The following ADAMTS8 variants were observed in gnomAD, a reference collection of about 807,000 sequenced individuals.
The protein encoded by ADAMTS8 is ADAM metallopeptidase with thrombospondin type 1 motif 8.
A neutral mutation model predicts 64.4 loss-of-function variants in ADAMTS8; 50 were observed. That is an observed-to-expected ratio of 0.78 (90% CI 0.62 to 0.98). The LOEUF is 0.98. ADAMTS8 is among the 50% of genes least tolerant of loss of function. The pLI, the probability that ADAMTS8 is intolerant of heterozygous loss-of-function variation, is 0.00. For synonymous variants in ADAMTS8, 556 were observed against 533.6 expected (o/e 1.04, Z -0.58); for missense variants, 1,192 against 1,208.2 (o/e 0.99, Z 0.20).
Position 130,408,956 on chromosome 11 carries a change from A to G in ADAMTS8, c.1751-16T>C. The G allele has an allele frequency of 6.6e-7, 1 of 1,523,058 alleles. No individual in the cohort carries two copies. Among genetic ancestry groups the G allele is most frequent in the East Asian group, 2.3e-5 (1 of 43,400 alleles). The allele number at this position is 1,523,058 out of a possible 1,614,324, so 94.3% of individuals were successfully genotyped here. ...AAGCTTTTCCCTAGAAAGAGGAAGAAACGGCATGGAGGTGACACCCATGCG... is the reference window on the plus strand; with the variant it reads ...AAGCTTTTCCCTAGAAAGAGGAAGAGACGGCATGGAGGTGACACCCATGCG... On this transcript the variant is annotated splice_polypyrimidine_tract_variant and intron_variant, in intron 6 of 8. Coordinates refer to ENST00000257359, the MANE Select transcript of ADAMTS8 (RefSeq NM_007037.6).
At position 130,416,981 on chromosome 11, in the gene ADAMTS8, T is replaced by G. The variant is rs1194795752; in HGVS notation, c.1055A>C (p.Asp352Ala). The G allele has an allele frequency of 6.8e-6, 11 of 1,614,012 alleles. No individual in the cohort carries two copies. Among genetic ancestry groups the G allele is most frequent in the Non-Finnish European group, 8.5e-6 (10 of 1,180,040 alleles). ...DPNKSCSVIEDEGLQAAHTLA... is the reference protein window; with the variant it reads ...DPNKSCSVIEAEGLQAAHTLA... ...GGTGTGGGCCGCCTGGAGCCCCTCATCCTCGATCACGGAGCAGCTTTTGTT... is the reference window on the plus strand; with the variant it reads ...GGTGTGGGCCGCCTGGAGCCCCTCAGCCTCGATCACGGAGCAGCTTTTGTT... The change falls in exon 3 of 9, where the codon GAT (aspartate) becomes GCT (alanine). Residue 352 changes from aspartate to alanine, a missense_variant. Physicochemically the swap from Asp to Ala is moderately radical, Grantham distance 126. Transcript: ENST00000257359. This position sits in a 1 kb window ranked among gnomAD's most constrained non-coding sequence, Gnocchi z 4.8.
At chr11:130,420,668 G>C (rs2134688167) in intron 1 of ADAMTS8, among the ~76,000 whole-genome samples, 1 of 152,258 alleles carries the variant, frequency 6.6e-6, no homozygotes, top group Non-Finnish European at 1.5e-5. Context: ...AATGGGATCT[G>C]TCTGTTCACC....
intron 1 of ADAMTS8, among the ~76,000 whole-genome samples, chr11:130,420,088 G>T (rs757561825): frequency 1.3e-5 from 2 of 152,214 alleles, no homozygotes; most frequent in Non-Finnish European, 2.9e-5. Flanking sequence ...GCCCAGGTGT[G>T]CCTGTCTCTG....
At chr11:130,427,472 T>TTTC in intron 1 of ADAMTS8, 95 bp downstream of exon 1, 1 of 1,054,658 alleles carries the variant, frequency 9.5e-7, no homozygotes, top group Non-Finnish European at 1.3e-6. Flanking sequence ...TTTTTTTTTT[T>TTTC]TTCTCAGAGG....
At position 130,416,966 on chromosome 11, in the gene ADAMTS8, G is replaced by T; in HGVS notation, c.1070C>A (p.Ala357Glu). 4.3e-6 allele frequency: 7 copies of T among 1,614,084 alleles called. No individual in the cohort carries two copies. The highest frequency in any genetic ancestry group is 4.2e-6 in the Non-Finnish European group (5 of 1,180,008). ...CSVIEDEGLQ[A>E]AHTLAHELGH... ...TAGTTCATGGGCCAGGGTGTGGGCCGCCTGGAGCCCCTCATCCTCGATCAC... is the reference window on the plus strand; with the variant it reads ...TAGTTCATGGGCCAGGGTGTGGGCCTCCTGGAGCCCCTCATCCTCGATCAC... The change falls in exon 3 of 9, where the codon GCG becomes GAG. Residue 357 changes from alanine (A) to glutamate (E), a missense_variant. Ala to Glu is a moderately radical substitution (Grantham distance 107). Transcript: ENST00000257359. This position sits in a 1 kb window ranked among gnomAD's most constrained non-coding sequence, Gnocchi z 4.8.
Position 130,428,073 on chromosome 11 carries a change from C to A in ADAMTS8, c.214G>T (p.Asp72Tyr). 1 of 1,536,242 alleles carries A rather than the reference C, an allele frequency of 6.5e-7. No individual in the cohort carries two copies. The highest frequency in any genetic ancestry group is 1.9e-5 in the Admixed American group (1 of 52,316). ...KGFVLRLAPD[D>Y]SFLAPEFKIE... is the part of the protein sequence containing the mutation. ...TTGAACTCGGGCGCTAGGAAGCTGT[C>A]GTCGGGCGCCAGGCGCAGCACGAAG... Residue 72 changes from aspartate to tyrosine, a missense_variant, in exon 1 of 9, where the codon GAC (aspartate) becomes TAC (tyrosine). Physicochemically the swap from Asp to Tyr is radical, Grantham distance 160. Around this residue, in one of 5 missense-constraint regions of ADAMTS8, gnomAD observed 741 missense variants for 710.6 expected, o/e 1.04. Coordinates refer to ENST00000257359, the MANE Select transcript of ADAMTS8 (RefSeq NM_007037.6).
At position 130,405,868 on chromosome 11, in the gene ADAMTS8, G is replaced by A. The variant is rs1388223976; in HGVS notation, c.2360C>T (p.Thr787Ile). 8 of 1,613,948 alleles carry A rather than the reference G, an allele frequency of 5.0e-6. No individual in the cohort carries two copies. The highest frequency in any genetic ancestry group is 1.7e-5 in the Admixed American group (1 of 60,008). ...GCCAGGGACTGTCAGGAGCTGCACT[G>A]TCAGAGGCTCTGGCAAGGGCCGGAA... ...QSFRPLPEPLTVQLLTVPGEV... is the reference protein window; with the variant it reads ...QSFRPLPEPLIVQLLTVPGEV... Residue 787 changes from threonine (T) to isoleucine (I), a missense_variant, in exon 9 of 9, where the codon ACA (threonine) becomes ATA (isoleucine). Coordinates refer to ENST00000257359, the MANE Select transcript of ADAMTS8 (RefSeq NM_007037.6).
rs1467841926 is a variant in ADAMTS8, at chr11:130,405,378, A to G, written c.*180T>C. The G allele has an allele frequency of 4.2e-6, 6 of 1,415,872 alleles. No individual in the cohort carries two copies. The highest frequency in any genetic ancestry group is 4.6e-6 in the Non-Finnish European group (5 of 1,090,574). 87.7% of individuals were successfully genotyped at this position (1,415,872 alleles called of 1,614,324 possible). A position where few individuals can be genotyped will look rare whatever the true frequency, so the allele number is the denominator to read the frequency against. ...TTGATGATAGGGTCTGCCGCCCCAT[A>G]CCCTCTCCTCTTCCCCCTTAGGAAT... On this transcript the variant is annotated 3_prime_UTR_variant, in exon 9 of 9. Transcript: ENST00000257359.
In ADAMTS8 at chr11:130,427,707, C is replaced by T; in HGVS notation, c.580G>A (p.Glu194Lys). 2 of 1,596,032 alleles carry T rather than the reference C, an allele frequency of 1.3e-6. No individual in the cohort carries two copies. Among genetic ancestry groups the T allele is most frequent in the Non-Finnish European group, 1.7e-6 (2 of 1,172,396 alleles). The change falls in exon 1 of 9, where the codon GAG (glutamate) becomes AAG (lysine). Residue 194 changes from glutamate (E) to lysine (K), a missense_variant. By Grantham distance (56) the Glu-to-Lys change is moderately conservative. Coordinates refer to ENST00000257359, the MANE Select transcript of ADAMTS8 (RefSeq NM_007037.6). ...EDSEEESQEE[E>K]AEGASEPPPP... The stretch of plus-strand genomic sequence containing the variant: ...GGCGGCTCGCTAGCGCCTTCTGCCT[C>T]CTCTTCTTGGCTCTCCTCCTCGCTG...
In ADAMTS8 at chr11:130,427,965, C is replaced by T. The variant is rs1201984799; in HGVS notation, c.322G>A (p.Gly108Arg). The T allele has an allele frequency of 3.9e-6, 6 of 1,531,676 alleles. No individual in the cohort carries two copies. The highest frequency in any genetic ancestry group is 5.2e-6 in the Non-Finnish European group (6 of 1,145,582). 94.9% of individuals were successfully genotyped at this position (1,531,676 alleles called of 1,614,324 possible). A position where few individuals can be genotyped will look rare whatever the true frequency, so the allele number is the denominator to read the frequency against. ...RGCFFSGTVN[G>R]EPESLAAVSL... is the part of the protein sequence containing the mutation. ...ACCGCCGCCAGCGACTCGGGCTCCCCATTCACGGTGCCGGAGAAGAAGCAG... is the reference window on the plus strand; with the variant it reads ...ACCGCCGCCAGCGACTCGGGCTCCCTATTCACGGTGCCGGAGAAGAAGCAG... The change falls in exon 1 of 9, where the codon GGG becomes AGG. Residue 108 changes from glycine (G) to arginine (R), a missense_variant. This residue lies in a region of ADAMTS8 where 741 missense variants were observed against 710.6 expected (regional missense o/e 1.04). Transcript: ENST00000257359.
intron 5 of ADAMTS8, 34 bp downstream of exon 5, chr11:130,414,497 C>G: frequency 1.9e-6 from 3 of 1,544,196 alleles, no homozygotes; most frequent in Non-Finnish European, 2.6e-6. Context: ...TTTCTCCTTT[C>G]CCCTCCCCGC....
chr11:130,425,596 C>A (rs970183691), intron 1 of ADAMTS8, among the ~76,000 whole-genome samples: 3 of 139,802 alleles, frequency 2.1e-5, no homozygotes, highest in African/African-American at 6.2e-5. Context: ...TTGTGTTTTT[C>A]TTTTTTCTTT....
At chr11:130,415,599 G>A (rs966029047) in intron 4 of ADAMTS8, among the ~76,000 whole-genome samples, 4 of 66,856 alleles carry the variant, frequency 6.0e-5, no homozygotes, top group Middle Eastern at 9.4e-3. Flanking sequence ...CACTGCACCT[G>A]GCCCTTTTTT....
Position 130,405,832 on chromosome 11 carries a change from G to A in ADAMTS8, c.2396C>T (p.Pro799Leu). Residue 799 changes from proline (P) to leucine (L), a missense_variant, in exon 9 of 9, where the codon CCC becomes CTC. By Grantham distance (98) the Pro-to-Leu change is moderately conservative. Coordinates refer to ENST00000257359, the MANE Select transcript of ADAMTS8 (RefSeq NM_007037.6). ...QLLTVPGEVF[P>L]PKVKYTFFVP... ...AAAGAAGGTGTATTTGACTTTTGGGGGGAAGACCTCGCCAGGGACTGTCAG... is the reference window on the plus strand; with the variant it reads ...AAAGAAGGTGTATTTGACTTTTGGGAGGAAGACCTCGCCAGGGACTGTCAG... 5.0e-6 allele frequency: 8 copies of A among 1,613,948 alleles called. No individual in the cohort carries two copies. Among genetic ancestry groups the A allele is most frequent in the Non-Finnish European group, 6.8e-6 (8 of 1,180,052 alleles).
chr11:130,427,476 TCAGA>T, intron 1 of ADAMTS8, 87 bp downstream of exon 1: 3 of 537,694 alleles, frequency 5.6e-6, no homozygotes, highest in South Asian at 3.1e-5. Context: ...TTTTTTTTTC[TCAGA>T]GGGATTGGAA....
chr11:130,428,371 C>T lies in ADAMTS8; in HGVS notation c.-85G>A. The T allele has an allele frequency of 2.5e-6, 3 of 1,214,484 alleles. No individual in the cohort carries two copies. Among genetic ancestry groups the T allele is most frequent in the East Asian group, 5.8e-5 (1 of 17,330 alleles). The allele number at this position is 1,214,484 out of a possible 1,614,324, so 75.2% of individuals were successfully genotyped here. A position where few individuals can be genotyped will look rare whatever the true frequency, so the allele number is the denominator to read the frequency against. The stretch of plus-strand genomic sequence containing the variant: ...TGCTGGCGGCCCGAGCGCGGCCCGG[C>T]CGCTCTCTCCAGGAAAAGCGGAATC... On this transcript the variant is annotated 5_prime_UTR_variant, in exon 1 of 9. Transcript: ENST00000257359.
intron 5 of ADAMTS8, 31 bp downstream of exon 5, chr11:130,414,500 C>T: frequency 3.2e-6 from 5 of 1,547,170 alleles, no homozygotes; most frequent in South Asian, 1.2e-5. Flanking sequence ...CTCCTTTCCC[C>T]TCCCCGCTAT....
rs1401754854 is a variant in ADAMTS8 at position 130,411,741 on chromosome 11, ATTTG to A, written c.1567-145_1567-142del. On this transcript the variant is annotated intron_variant, in intron 5 of 8. Transcript: ENST00000257359. This position sits in a 1 kb window ranked among gnomAD's most constrained non-coding sequence, Gnocchi z 4.2. The stretch of plus-strand genomic sequence containing the variant: ...TGGAGTGCCGTAAACTGCCTCAATC[ATTTG>A]TTTAATGACTGTGTGGCCTGCATGG... 3 of 822,904 alleles carry A rather than the reference ATTTG, an allele frequency of 3.6e-6. No individual in the cohort carries two copies. In the East Asian group the frequency reaches 8.0e-5, roughly 22 times the overall value. 51.0% of individuals were successfully genotyped at this position (822,904 alleles called of 1,614,324 possible). A position where few individuals can be genotyped will look rare whatever the true frequency, so the allele number is the denominator to read the frequency against.
chr11:130,411,834 G>C lies in ADAMTS8; in HGVS notation c.1567-234C>G, dbSNP rs909093750. ...CTGACTCCTCAGTGTCTAAAACAGT[G>C]CCTTATGCTTAGTAAGGTGCTCAAT... is the stretch of plus-strand genomic sequence containing the variant. On this transcript the variant is annotated intron_variant, in intron 5 of 8. Transcript: ENST00000257359. This position sits in a 1 kb window ranked among gnomAD's most constrained non-coding sequence, Gnocchi z 4.2. 3 of 554,310 alleles carry C rather than the reference G, an allele frequency of 5.4e-6. No individual in the cohort carries two copies. The highest frequency in any genetic ancestry group is 9.6e-6 in the Non-Finnish European group (3 of 313,706). 34.3% of individuals were successfully genotyped at this position (554,310 alleles called of 1,614,324 possible). A position where few individuals can be genotyped will look rare whatever the true frequency, so the allele number is the denominator to read the frequency against.
Sources: gnomAD v4.1 joint callset for allele counts (sites outside exome capture counted in the v4.1 genomes callset) on GRCh38, gnomAD v4.1.1 for gene constraint, gnomAD v4.1.1 regional missense constraint, Gnocchi (gnomAD v3.1) non-coding constraint, MANE v1.5 for transcripts, NCBI Gene and HGNC (gene_info 2026-07-23, HGNC 2026-07-21) for gene names.